The following STPG1 variants were observed in gnomAD, a reference collection of about 807,000 sequenced individuals.
STPG1 encodes the protein O(6)-methylguanine-induced apoptosis 2.
STPG1 carries 33 observed loss-of-function variants against 40.1 expected under a neutral mutation model. The observed-to-expected ratio is 0.82, with a 90% CI of 0.62 to 1.10. STPG1 has a LOEUF of 1.10. STPG1 is among the 50% of genes least tolerant of loss of function. The probability of loss-of-function intolerance (pLI) is 0.00; values close to 1 mark genes in which losing one functional copy is unlikely to be tolerated. For synonymous variants in STPG1, 150 were observed against 155.0 expected, an observed-to-expected ratio of 0.97 and a Z score of 0.24; for missense variants, 396 against 415.1, an observed-to-expected ratio of 0.95 and a Z score of 0.40.
chr1:24,379,813 A>G lies in STPG1; in HGVS notation c.302T>C (p.Leu101Ser), dbSNP rs1263268284. ...TCMFPSMCAR[L>S]DTIISKYPAA... is the part of the protein sequence containing the mutation. ...AGGGTATTTAGAAATGATGGTGTCC[A>G]ATCGGGCGCACTGTAAGGAGACAAC... The change falls in exon 5 of 9, where the codon TTG (leucine) becomes TCG (serine). Residue 101 changes from leucine (L) to serine (S), a missense_variant. Coordinates refer to ENST00000337248, the MANE Select transcript of STPG1 (RefSeq NM_001199013.2). The G allele has an allele frequency of 1.9e-6, 3 of 1,613,842 alleles. No homozygotes were observed. Among genetic ancestry groups the G allele is most frequent in the Non-Finnish European group, 2.5e-6 (3 of 1,179,804 alleles).
chr1:24,358,255 G>A lies in STPG1; in HGVS notation c.*288C>T. ...AGGGAGTCGTGCCGGAAGGCAGCCT[G>A]GATGGGTGCGTGGGGAAGCAGCCAG... is the stretch of plus-strand genomic sequence containing the variant. On this transcript the variant is annotated 3_prime_UTR_variant, in exon 9 of 9. Transcript: ENST00000337248. 1.6e-6 allele frequency: 1 copy of A among 626,340 alleles called. No homozygotes were observed. 38.8% of individuals were successfully genotyped at this position (626,340 alleles called of 1,614,324 possible).
chr1:24,373,673 G>A lies in STPG1; in HGVS notation c.571+29C>T, dbSNP rs201744957. On this transcript the variant is annotated intron_variant, in intron 6 of 8. Transcript: ENST00000337248. ...CAAATCTGGGACACTTAACCCTTAG[G>A]TCAAGGCCAGTGCAAAGCAGCTGCT... The A allele has an allele frequency of 3.6e-5, 54 of 1,486,738 alleles. No homozygotes were observed. In the East Asian group the frequency reaches 1.2e-3, roughly 33 times the overall value. The allele number at this position is 1,486,738 out of a possible 1,614,324, so 92.1% of individuals were successfully genotyped here. A position where few individuals can be genotyped will look rare whatever the true frequency, so the allele number is the denominator to read the frequency against.
At chr1:24,375,344 TG>T (rs1641972088) in intron 5 of STPG1, among the ~76,000 whole-genome samples, 1 of 152,188 alleles carries the variant, frequency 6.6e-6, no homozygotes, top group Non-Finnish European at 1.5e-5. Context: ...AACTATTTGC[TG>T]GGGCCAGGAT....
chr1:24,366,896 C>T (rs987993255), intron 7 of STPG1, among the ~76,000 whole-genome samples: 2 of 152,218 alleles, frequency 1.3e-5, no homozygotes, highest in Non-Finnish European at 2.9e-5. Context: ...TCCTTTACTG[C>T]AGGCCTTCTC....
rs930594828 is a variant in STPG1 at position 24,357,770 on chromosome 1, G to A, written c.*773C>T. On this transcript the variant is annotated 3_prime_UTR_variant, in exon 9 of 9. Coordinates refer to ENST00000337248, the MANE Select transcript of STPG1 (RefSeq NM_001199013.2). ...GCACATTTCTTTTTCCCTCCACATA[G>A]AGAGACGAAAGCTATCAGGCCTAGA... 1.0e-5 allele frequency: 2 copies of A among 192,612 alleles called. No homozygotes were observed. Among genetic ancestry groups the A allele is most frequent in the East Asian group, 2.5e-4 (2 of 8,124 alleles). The allele number at this position is 192,612 out of a possible 1,614,324, so 11.9% of individuals were successfully genotyped here.
intron 1 of STPG1, among the ~76,000 whole-genome samples, chr1:24,410,523 C>G (rs937130956): frequency 6.6e-6 from 1 of 152,174 alleles, no homozygotes; most frequent in Non-Finnish European, 1.5e-5. Context: ...GCAGGAGAAT[C>G]GCTTGAACCC....
In STPG1 at chr1:24,392,747, T is replaced by A. The variant is rs561075434; in HGVS notation, c.71-1068A>T. 2.5e-4 allele frequency among the ~76,000 whole-genome samples: 38 copies of A among 152,208 alleles called. No homozygotes were observed. The South Asian group carries it at 7.9e-3, about 32-fold the overall frequency. The stretch of plus-strand genomic sequence containing the variant: ...CGTAAGTCTTGACATCCAAACCAAA[T>A]TTTGGGTGGGGGGGTGCATCCTGAC... On this transcript the variant is annotated intron_variant, in intron 2 of 8. Transcript: ENST00000337248.
chr1:24,412,627 G>A (rs1051611552), intron 1 of STPG1, among the ~76,000 whole-genome samples: 1 of 152,196 alleles, frequency 6.6e-6, no homozygotes, highest in Non-Finnish European at 1.5e-5. Flanking sequence ...GAGAGGCTGA[G>A]GGGGAAGGAT....
chr1:24,401,734 C>T (rs1372039328), intron 1 of STPG1, among the ~76,000 whole-genome samples: 1 of 152,044 alleles, frequency 6.6e-6, no homozygotes, highest in African/African-American at 2.4e-5. Context: ...CTCTTGTCAC[C>T]CAGGCCGGAG....
chr1:24,408,057 A>T (rs1183336412), intron 1 of STPG1, among the ~76,000 whole-genome samples: 3 of 152,084 alleles, frequency 2.0e-5, no homozygotes, highest in Non-Finnish European at 4.4e-5. Flanking sequence ...GGACATTTTG[A>T]ATTTTACATT....
chr1:24,409,572 G>A (rs771933044), intron 1 of STPG1, among the ~76,000 whole-genome samples: 24 of 152,062 alleles, frequency 1.6e-4, no homozygotes, highest in Non-Finnish European at 3.4e-4. Flanking sequence ...AGTTACCCAT[G>A]GTCAATTGTG....
At chr1:24,365,900 T>C (rs1278626442) in intron 7 of STPG1, among the ~76,000 whole-genome samples, 2 of 152,160 alleles carry the variant, frequency 1.3e-5, no homozygotes, top group Admixed American at 6.5e-5. Flanking sequence ...ATCAATCCAC[T>C]GCCCACGCTG....
intron 1 of STPG1, among the ~76,000 whole-genome samples, chr1:24,412,245 T>G (rs1643717391): frequency 6.6e-6 from 1 of 152,220 alleles, no homozygotes; most frequent in African/African-American, 2.4e-5. Context: ...CTTCTCCACA[T>G]GGGACCTCCC....
intron 6 of STPG1, among the ~76,000 whole-genome samples, chr1:24,370,809 T>C (rs1369274638): frequency 1.4e-5 from 2 of 147,364 alleles, no homozygotes; most frequent in Non-Finnish European, 3.0e-5. Flanking sequence ...TTTGTAGAAA[T>C]GAGGCCTCAT....
intron 6 of STPG1, among the ~76,000 whole-genome samples, chr1:24,372,757 T>G (rs1337422548): frequency 6.6e-6 from 1 of 152,230 alleles, no homozygotes. Context: ...CACACCCCTC[T>G]GCAAGAGGCA....
chr1:24,381,438 C>T (rs961357968), intron 4 of STPG1, among the ~76,000 whole-genome samples: 15 of 152,166 alleles, frequency 9.9e-5, no homozygotes, highest in Non-Finnish European at 1.6e-4. Flanking sequence ...GGCCAAATGC[C>T]GGCATTTATG....
chr1:24,408,812 T>A (rs1422202666), intron 1 of STPG1, among the ~76,000 whole-genome samples: 3 of 152,238 alleles, frequency 2.0e-5, no homozygotes, highest in African/African-American at 7.2e-5. Context: ...TATATACTAA[T>A]GAGTAAAGGA....
At chr1:24,397,440 T>C (rs746017253) in intron 2 of STPG1, among the ~76,000 whole-genome samples, 6 of 152,064 alleles carry the variant, frequency 3.9e-5, no homozygotes, top group African/African-American at 7.2e-5. Flanking sequence ...AACCACTACC[T>C]GATACCAAAA....
rs777707045 is a variant in STPG1 at position 24,361,023 on chromosome 1, G to A, written c.756C>T (p.Asn252=). 1.2e-6 allele frequency: 2 copies of A among 1,609,734 alleles called. No individual in the cohort carries two copies. Among genetic ancestry groups the A allele is most frequent in the South Asian group, 1.1e-5 (1 of 90,364 alleles). The change falls in exon 8 of 9, where the codon AAC becomes AAT. Residue 252 remains asparagine, a synonymous_variant. Transcript: ENST00000337248. Reference sequence around the variant, plus strand: ...GCAGAGGCGAAGGCTGAGCAGAGAAGTTCAGGATGGGGTTTTTCCTTTGGG... The same window carrying A: ...GCAGAGGCGAAGGCTGAGCAGAGAAATTCAGGATGGGGTTTTTCCTTTGGG... ...KTLFPKNPIL[N]FSAQPSPLPP... is the part of the protein sequence containing the mutation.
Sources: allele counts gnomAD v4.1 joint callset (sites outside exome capture counted in the v4.1 genomes callset), GRCh38; gene constraint gnomAD v4.1.1; transcripts MANE v1.5; gene names NCBI Gene and HGNC (gene_info 2026-07-23, HGNC 2026-07-21).